The following FRMD3 variants were observed in gnomAD, a reference collection of about 807,000 sequenced individuals.
The protein encoded by FRMD3 is FERM domain-containing protein 3.
A neutral mutation model predicts 70.2 loss-of-function variants in FRMD3; 33 were observed. The ratio of observed to expected loss-of-function variants is 0.47; its 90% CI spans 0.36 to 0.63. The LOEUF (loss-of-function observed/expected upper bound fraction) is 0.63, where lower values mean the gene tolerates loss of function less well. Ranked by LOEUF, FRMD3 falls within the 20% of genes least tolerant of loss-of-function variation. FRMD3 has a pLI of 0.00. For missense variants in FRMD3, 632 were observed against 711.4 expected (o/e 0.89, Z 1.27); for synonymous variants, 279 against 255.9 (o/e 1.09, Z -0.86).
chr9:83,488,431 G>A (rs1441279720), intron 1 of FRMD3, among the ~76,000 whole-genome samples: 3 of 152,120 alleles, frequency 2.0e-5, no homozygotes, highest in Non-Finnish European at 4.4e-5. Context: ...CATGAAACTC[G>A]AGTGAAAATT....
At chr9:83,358,391 C>T (rs1241452595) in intron 3 of FRMD3, among the ~76,000 whole-genome samples, 1 of 152,078 alleles carries the variant, frequency 6.6e-6, no homozygotes, top group Non-Finnish European at 1.5e-5. Context: ...TTTCTTTTTG[C>T]ATAGTCTTGC....
chr9:83,421,264 C>A (rs1196363754), intron 1 of FRMD3, among the ~76,000 whole-genome samples: 1 of 152,118 alleles, frequency 6.6e-6, no homozygotes, highest in Non-Finnish European at 1.5e-5. Context: ...TCATAAATTA[C>A]CCAGCCTCAG....
intron 6 of FRMD3, among the ~76,000 whole-genome samples, chr9:83,324,676 C>A (rs1411918508): frequency 6.6e-6 from 1 of 152,192 alleles, no homozygotes; most frequent in East Asian, 1.9e-4. Flanking sequence ...CAATTCCAAG[C>A]AGCATAACAT....
chr9:83,355,434 C>G (rs961228540), intron 3 of FRMD3, among the ~76,000 whole-genome samples: 5 of 152,200 alleles, frequency 3.3e-5, no homozygotes, highest in Non-Finnish European at 7.3e-5. Flanking sequence ...ATGTGGTGCT[C>G]AGGCTTCAGC....
chr9:83,342,741 T>TAGAC (rs1244184412), intron 5 of FRMD3, among the ~76,000 whole-genome samples: 1 of 150,000 alleles, frequency 6.7e-6, no homozygotes, highest in Non-Finnish European at 1.5e-5. Context: ...GATAGTTAGA[T>TAGAC]AGACACAAAA....
intron 10 of FRMD3, among the ~76,000 whole-genome samples, chr9:83,302,815 C>T (rs895439538): frequency 6.6e-6 from 1 of 152,186 alleles, no homozygotes; most frequent in Non-Finnish European, 1.5e-5. Context: ...GAAGAGTATT[C>T]TTCCCACAGA....
chr9:83,488,433 G>A (rs1828734100), intron 1 of FRMD3, among the ~76,000 whole-genome samples: 1 of 152,194 alleles, frequency 6.6e-6, no homozygotes, highest in Non-Finnish European at 1.5e-5. Context: ...TGAAACTCGA[G>A]TGAAAATTGA....
intron 3 of FRMD3, among the ~76,000 whole-genome samples, chr9:83,362,685 C>G (rs1215572145): frequency 5.9e-5 from 9 of 152,230 alleles, no homozygotes; most frequent in Admixed American, 4.6e-4. Context: ...AGCTTTCTTT[C>G]ATCTCAGTCT....
At chr9:83,370,941 C>T (rs1272783814) in intron 3 of FRMD3, among the ~76,000 whole-genome samples, 5 of 151,968 alleles carry the variant, frequency 3.3e-5, no homozygotes, top group Non-Finnish European at 5.9e-5. Flanking sequence ...GTTGGTTGTT[C>T]AGATTTGCTG....
chr9:83,259,829 G>C (rs535907937), intron 13 of FRMD3, among the ~76,000 whole-genome samples: 64 of 152,184 alleles, frequency 4.2e-4, no homozygotes, highest in African/African-American at 1.5e-3. Context: ...TGATCATCTT[G>C]GCAATACTTG....
chr9:83,378,101 G>C (rs1021889239), intron 2 of FRMD3, among the ~76,000 whole-genome samples: 1 of 152,142 alleles, frequency 6.6e-6, no homozygotes, highest in African/African-American at 2.4e-5. Context: ...TCATGGAGAA[G>C]TTTAAATGGG....
chr9:83,407,807 G>A (rs1826148766), intron 1 of FRMD3, among the ~76,000 whole-genome samples: 2 of 137,270 alleles, frequency 1.5e-5, no homozygotes, highest in South Asian at 4.4e-4. Context: ...GCCTAGACTG[G>A]TCTGGCCAGC....
intron 1 of FRMD3, among the ~76,000 whole-genome samples, chr9:83,435,632 T>A (rs1174458093): frequency 2.0e-5 from 3 of 152,012 alleles, no homozygotes; most frequent in African/African-American, 7.2e-5. Flanking sequence ...CAAGAAGCCA[T>A]GTTGATTGTA....
At chr9:83,374,518 C>T (rs1825082941) in intron 2 of FRMD3, among the ~76,000 whole-genome samples, 1 of 152,162 alleles carries the variant, frequency 6.6e-6, no homozygotes, top group Non-Finnish European at 1.5e-5. Flanking sequence ...AGTTATATAG[C>T]TATAACTGAA....
intron 2 of FRMD3, among the ~76,000 whole-genome samples, chr9:83,380,610 C>CTTTG (rs1323202547): frequency 2.6e-5 from 4 of 152,022 alleles, no homozygotes; most frequent in African/African-American, 9.7e-5. Flanking sequence ...TGGGGTGGTA[C>CTTTG]TTTGTGACTA....
At chr9:83,275,021 CA>C (rs1390516393) in intron 13 of FRMD3, among the ~76,000 whole-genome samples, 1 of 152,134 alleles carries the variant, frequency 6.6e-6, no homozygotes, top group African/African-American at 2.4e-5. Flanking sequence ...ACCAAGTCAG[CA>C]GGAGCAGGTT....
intron 2 of FRMD3, among the ~76,000 whole-genome samples, chr9:83,387,363 TGACACCAGTTGTTC>T (rs1228391246): frequency 6.6e-6 from 1 of 152,208 alleles, no homozygotes; most frequent in Admixed American, 6.5e-5. Context: ...TGTTATTTTG[TGACACCAGTTGTTC>T]CTTAATGTCT....
At chr9:83,550,723 T>TGTGTGTGC in the FRMD3 span, among the ~76,000 whole-genome samples, 4 of 150,380 alleles carry the variant, frequency 2.7e-5, no homozygotes, top group African/African-American at 4.9e-5. Context: ...TGTGTGTGTG[T>TGTGTGTGC]GCATTCATGT....
At chr9:83,512,463 AC>A (rs1829359283) in intron 1 of FRMD3, among the ~76,000 whole-genome samples, 1 of 152,242 alleles carries the variant, frequency 6.6e-6, no homozygotes. Context: ...GAGAAGACTC[AC>A]ATAGTGTGTG....
Sources: allele counts gnomAD v4.1 joint callset (sites outside exome capture counted in the v4.1 genomes callset), GRCh38; gene constraint gnomAD v4.1.1; transcripts MANE v1.5; gene names NCBI Gene and HGNC (gene_info 2026-07-23, HGNC 2026-07-21).